The following HMCN1 variants were observed in gnomAD, a reference collection of about 807,000 sequenced individuals.
HMCN1 encodes hemicentin 1.
In HMCN1, 321 loss-of-function variants were observed where a neutral mutation model predicts 625.9. The ratio of observed to expected loss-of-function variants is 0.51; its 90% CI spans 0.47 to 0.56. The LOEUF (loss-of-function observed/expected upper bound fraction) is 0.56. Among genes scored for constraint, HMCN1 ranks in the 20% least tolerant of loss-of-function variants. HMCN1 has a pLI of 0.00. For missense variants in HMCN1, 6,588 were observed against 6,887.3 expected (o/e 0.96, Z 1.54); for synonymous variants, 2,425 against 2,417.6 (o/e 1.00, Z -0.09).
intron 16 of HMCN1, among the ~76,000 whole-genome samples, chr1:185,980,194 G>A (rs1007080409): frequency 1.7e-4 from 26 of 152,174 alleles, no homozygotes; most frequent in Middle Eastern, 3.4e-3. Flanking sequence ...ATTTCAATAC[G>A]TAAATACTCT....
chr1:185,942,456 CTGGGAAG>C (rs1668131146), intron 11 of HMCN1, among the ~76,000 whole-genome samples: 1 of 152,086 alleles, frequency 6.6e-6, no homozygotes, highest in Non-Finnish European at 1.5e-5. Context: ...GCATTGACTG[CTGGGAAG>C]AGAGGTCTAA....
At chr1:185,923,369 A>T in intron 7 of HMCN1, 21 bp from the exon 8 acceptor site, 1 of 1,586,716 alleles carries the variant, frequency 6.3e-7, no homozygotes, top group Admixed American at 1.7e-5. Flanking sequence ...TGTAAATGAT[A>T]ACAAAATCTT....
intron 53 of HMCN1, among the ~76,000 whole-genome samples, 169 bp from the exon 54 acceptor site, chr1:186,076,259 G>A (rs190044910): frequency 1.9e-3 from 288 of 152,154 alleles, no homozygotes; most frequent in African/African-American, 6.6e-3. Context: ...TCCGACTTTC[G>A]TGTACTACTT....
intron 71 of HMCN1, among the ~76,000 whole-genome samples, chr1:186,111,487 T>A (rs1660884779): frequency 1.3e-5 from 2 of 151,752 alleles, no homozygotes; most frequent in Admixed American, 1.3e-4. Flanking sequence ...CACCTGAATT[T>A]AAAAAAAAGT....
intron 11 of HMCN1, among the ~76,000 whole-genome samples, chr1:185,951,080 G>C (rs1385964752): frequency 9.9e-5 from 15 of 151,768 alleles, no homozygotes; most frequent in Non-Finnish European, 2.1e-4. Context: ...GTTTTAATGA[G>C]ATGGTAAGGG....
chr1:185,863,417 CTGTT>C (rs764940927), intron 2 of HMCN1, among the ~76,000 whole-genome samples: 12 of 152,126 alleles, frequency 7.9e-5, no homozygotes, highest in East Asian at 5.8e-4. Flanking sequence ...ATCAGTTTGT[CTGTT>C]TGTCTATCTA....
At chr1:185,770,525 G>C (rs1452331153) in intron 1 of HMCN1, among the ~76,000 whole-genome samples, 2 of 152,118 alleles carry the variant, frequency 1.3e-5, no homozygotes, top group Non-Finnish European at 2.9e-5. Context: ...TGGAGCTTTT[G>C]TTTTATAATG....
In HMCN1 at chr1:186,144,700, C is replaced by T. The variant is rs1298433212; in HGVS notation, c.14263C>T (p.Pro4755Ser). Residue 4755 changes from proline to serine, a missense_variant, in exon 91 of 107, where the codon CCA becomes TCA. Physicochemically the swap from Pro to Ser is moderately conservative, Grantham distance 74. Transcript: ENST00000271588. Reference protein sequence around the residue: ...QSDFCNSDPCPTHGNWSPWSG... With the variant: ...QSDFCNSDPCSTHGNWSPWSG... ...TGATTTTTGCAACAGTGACCCTTGCCCAAGTGAGTGTTGGAAATAGTGAGT... is the reference window on the plus strand; with the variant it reads ...TGATTTTTGCAACAGTGACCCTTGCTCAAGTGAGTGTTGGAAATAGTGAGT... 6.2e-7 allele frequency: 1 copy of T among 1,613,940 alleles called. No homozygotes were observed. The highest frequency in any genetic ancestry group is 8.5e-7 in the Non-Finnish European group (1 of 1,179,936).
chr1:186,057,049 A>G (rs1421226915), intron 45 of HMCN1, among the ~76,000 whole-genome samples, 185 bp from the exon 46 acceptor site: 3 of 151,718 alleles, frequency 2.0e-5, no homozygotes, highest in South Asian at 2.1e-4. Context: ...ACACACACAC[A>G]CACACACACA....
Position 186,088,237 on chromosome 1 carries a change from C to T in HMCN1, c.9538C>T (p.Pro3180Ser), listed in dbSNP as rs1401135284. 1.9e-6 allele frequency: 3 copies of T among 1,612,758 alleles called. No individual in the cohort carries two copies. Among genetic ancestry groups the T allele is most frequent in the Non-Finnish European group, 2.5e-6 (3 of 1,179,306 alleles). The change falls in exon 62 of 107, where the codon CCT (proline) becomes TCT (serine). Residue 3180 changes from proline (P) to serine (S), a missense_variant. Pro to Ser is a moderately conservative substitution (Grantham distance 74). Coordinates refer to ENST00000271588, the MANE Select transcript of HMCN1 (RefSeq NM_031935.3). Reference sequence around the variant, plus strand: ...AACATGTGATGCCACTGGGATCCCACCTCCCACGATAGCATGGTTAAAGAA... The same window carrying T: ...AACATGTGATGCCACTGGGATCCCATCTCCCACGATAGCATGGTTAAAGAA... ...TLTCDATGIP[P>S]PTIAWLKNHK...
chr1:186,190,597 A>ATT lies in HMCN1; in HGVS notation c.*722_*723dup, dbSNP rs1653664956. Reference sequence around the variant, plus strand: ...TTGTACATGGCATGGAACTTTAAAAATTTTAATATAAACTTTCATCCAGTT... The same window carrying ATT: ...TTGTACATGGCATGGAACTTTAAAAATTTTTTAATATAAACTTTCATCCAGTT... On this transcript the variant is annotated 3_prime_UTR_variant, in exon 107 of 107. Coordinates refer to ENST00000271588, the MANE Select transcript of HMCN1 (RefSeq NM_031935.3). 1 of 196,692 alleles carries ATT rather than the reference A, an allele frequency of 5.1e-6. No individual in the cohort carries two copies. The highest frequency in any genetic ancestry group is 2.3e-5 in the African/African-American group (1 of 43,288). 12.2% of individuals were successfully genotyped at this position (196,692 alleles called of 1,614,324 possible). A position where few individuals can be genotyped will look rare whatever the true frequency, so the allele number is the denominator to read the frequency against.
chr1:185,845,465 C>T (rs1479176317), intron 1 of HMCN1, among the ~76,000 whole-genome samples: 3 of 152,206 alleles, frequency 2.0e-5, no homozygotes, highest in Admixed American at 2.0e-4. Context: ...AAATGATCTG[C>T]CCGCCTTGGA....
rs1354961654 is a variant in HMCN1, at chr1:185,734,650, C to T, written c.-130C>T. The T allele has an allele frequency of 2.2e-6, 2 of 917,926 alleles. No homozygotes were observed. Among genetic ancestry groups the T allele is most frequent in the Middle Eastern group, 3.2e-4 (1 of 3,148 alleles). 56.9% of individuals were successfully genotyped at this position (917,926 alleles called of 1,614,324 possible). Reference sequence around the variant, plus strand: ...TCCCCGTCTGATTCTCAGCGCCAAACTTTTTGCTAGTTCAGAGATTCCAAG... The same window carrying T: ...TCCCCGTCTGATTCTCAGCGCCAAATTTTTTGCTAGTTCAGAGATTCCAAG... On this transcript the variant is annotated 5_prime_UTR_variant, in exon 1 of 107. Transcript: ENST00000271588.
In HMCN1 at chr1:185,734,893, G is replaced by T. The variant is rs115169621; in HGVS notation, c.114G>T (p.Gly38=). 4.8e-3 allele frequency: 7,734 copies of T among 1,614,138 alleles called. 22 individuals carry two copies. The highest frequency in any genetic ancestry group is 5.9e-3 in the Non-Finnish European group (7,000 of 1,180,008). The part of the protein sequence containing the change: ...SEIRAEEIPE[G]ASTLAFVFDV... ...TCAGAGCTGAGGAAATTCCCGAGGG[G>T]GCCTCCACGTTGGCTTTTGTGTTTG... The change falls in exon 1 of 107, where the codon GGG becomes GGT. Residue 38 remains glycine, a synonymous_variant. Transcript: ENST00000271588.
At position 186,190,262 on chromosome 1, in the gene HMCN1, G is replaced by C; in HGVS notation, c.*384G>C. 4.4e-6 allele frequency: 1 copy of C among 228,324 alleles called. No individual in the cohort carries two copies. The highest frequency in any genetic ancestry group is 8.7e-6 in the Non-Finnish European group (1 of 114,536). 14.1% of individuals were successfully genotyped at this position (228,324 alleles called of 1,614,324 possible). On this transcript the variant is annotated 3_prime_UTR_variant, in exon 107 of 107. Coordinates refer to ENST00000271588, the MANE Select transcript of HMCN1 (RefSeq NM_031935.3). ...ATTCAGAATCAAATAGAGTTTTTGA[G>C]CATTTGACTATTTTTAGAATCATAA... is the stretch of plus-strand genomic sequence containing the variant.
intron 1 of HMCN1, among the ~76,000 whole-genome samples, chr1:185,824,181 A>T (rs146510582): frequency 6.6e-5 from 10 of 152,316 alleles, no homozygotes; most frequent in Non-Finnish European, 8.8e-5. Context: ...TCTTCTAAAG[A>T]TGAGGAATCT....
intron 103 of HMCN1, 40 bp from the exon 104 acceptor site, chr1:186,178,375 GT>G: frequency 7.3e-7 from 1 of 1,379,058 alleles, no homozygotes; most frequent in Non-Finnish European, 1.0e-6. Context: ...GTGTATGTAT[GT>G]GTCTTTTTTT....
At chr1:185,989,684 G>C in intron 21 of HMCN1, 37 bp downstream of exon 21, 2 of 1,601,920 alleles carry the variant, frequency 1.2e-6, no homozygotes, top group South Asian at 2.2e-5. Context: ...TATTGACATT[G>C]TCTATCTGTG....
chr1:186,090,938 T>A (rs1315206749), intron 64 of HMCN1, 21 bp downstream of exon 64: 1 of 1,607,808 alleles, frequency 6.2e-7, no homozygotes, highest in Non-Finnish European at 8.5e-7. Context: ...AAATAATCTT[T>A]CCATTATAAA....
Sources: gnomAD v4.1 joint callset for allele counts (sites outside exome capture counted in the v4.1 genomes callset) on GRCh38, gnomAD v4.1.1 for gene constraint, MANE v1.5 for transcripts, NCBI Gene and HGNC (gene_info 2026-07-23, HGNC 2026-07-21) for gene names.